PPP2R3B: variants seen among roughly 807,000 people sequenced by gnomAD.
PPP2R3B encodes the protein protein phosphatase 2 regulatory subunit B''beta.
Under a neutral mutation model 72.9 loss-of-function variants are expected in PPP2R3B, and 68 were observed. That is an observed-to-expected ratio of 0.93 (90% CI 0.77 to 1.14). The LOEUF is 1.14. Among genes scored for constraint, PPP2R3B ranks in the 50% most tolerant of loss-of-function variants. PPP2R3B has a pLI of 0.00. For missense variants in PPP2R3B, 1,018 were observed against 842.0 expected (o/e 1.21, Z -2.59); for synonymous variants, 466 against 375.8 (o/e 1.24, Z -2.78).
intron 2 of PPP2R3B, among the ~76,000 whole-genome samples, chrX:358,273 G>T (rs2071475350): frequency 6.6e-6 from 1 of 151,928 alleles, no homozygotes; most frequent in South Asian, 2.1e-4. Context: ...CGGGGAAGCT[G>T]AAGTTTGCCT....
intron 1 of PPP2R3B, among the ~76,000 whole-genome samples, chrX:383,789 G>A (rs2072177623): frequency 8.0e-6 from 1 of 124,646 alleles, no homozygotes; most frequent in East Asian, 2.7e-4. Context: ...AGTGAGCCGA[G>A]ATCGCGCCAC....
rs746073528 is a variant in PPP2R3B at position 334,336 on chromosome X, C to T, written c.*31G>A. Reference sequence around the variant, plus strand: ...TGGCCCGGTGGTGGCACGTGGGGAGCGGCCCCGCGGCGGCGTTCTCGCGGG... The same window carrying T: ...TGGCCCGGTGGTGGCACGTGGGGAGTGGCCCCGCGGCGGCGTTCTCGCGGG... On this transcript the variant is annotated 3_prime_UTR_variant, in exon 13 of 13. Coordinates refer to ENST00000390665, the MANE Select transcript of PPP2R3B (RefSeq NM_013239.5). 226 of 1,451,222 alleles carry T rather than the reference C, an allele frequency of 1.6e-4. No individual in the cohort carries two copies. The East Asian group carries it at 3.7e-3, about 24-fold the overall frequency. The allele number at this position is 1,451,222 out of a possible 1,614,324, so 89.9% of individuals were successfully genotyped here. A position where few individuals can be genotyped will look rare whatever the true frequency, so the allele number is the denominator to read the frequency against.
chrX:341,204 G>C, intron 9 of PPP2R3B, 103 bp downstream of exon 9: 1 of 1,178,586 alleles, frequency 8.5e-7, no homozygotes, highest in Non-Finnish European at 1.2e-6. Flanking sequence ...CCTGTGCCGT[G>C]CAGCCCCCAC....
chrX:355,229 T>C (rs1308576148), intron 2 of PPP2R3B, among the ~76,000 whole-genome samples: 1 of 152,014 alleles, frequency 6.6e-6, no homozygotes, highest in African/African-American at 2.4e-5. Context: ...CAATTGACAA[T>C]CATATTAAAG....
intron 2 of PPP2R3B, among the ~76,000 whole-genome samples, chrX:360,415 T>C (rs1243223491): frequency 6.6e-6 from 1 of 152,170 alleles, no homozygotes; most frequent in Non-Finnish European, 1.5e-5. Flanking sequence ...ATGCCTATAG[T>C]CCCAGCTACT....
chrX:339,275 G>T (rs922459868), intron 10 of PPP2R3B, among the ~76,000 whole-genome samples: 1 of 150,100 alleles, frequency 6.7e-6, no homozygotes, highest in Non-Finnish European at 1.5e-5. Flanking sequence ...CCATGGCCGG[G>T]GGGGGCAGGG....
chrX:351,415 G>C (rs2071330540), intron 2 of PPP2R3B, among the ~76,000 whole-genome samples: 1 of 152,216 alleles, frequency 6.6e-6, no homozygotes, highest in South Asian at 2.1e-4. Flanking sequence ...CCGCGTGCAA[G>C]ACACACCGTC....
chrX:354,354 T>A (rs750113045), intron 2 of PPP2R3B, among the ~76,000 whole-genome samples: 1 of 141,982 alleles, frequency 7.0e-6, no homozygotes, highest in Non-Finnish European at 1.5e-5. Context: ...ACGCTACCCC[T>A]GCGTGGCCGG....
intron 2 of PPP2R3B, among the ~76,000 whole-genome samples, chrX:358,379 C>T (rs1191996857): frequency 1.7e-5 from 2 of 120,760 alleles, no homozygotes; most frequent in Non-Finnish European, 3.7e-5. Flanking sequence ...CCTCTGCCCA[C>T]AGTCACGGTG....
At chrX:361,295 G>T (rs868614422) in intron 2 of PPP2R3B, 110 bp downstream of exon 2, 1 of 1,230,826 alleles carries the variant, frequency 8.1e-7, no homozygotes. Context: ...CCTCGGCCGT[G>T]CCGCCTCACT....
At chrX:352,797 T>TCC (rs1310443784) in intron 2 of PPP2R3B, among the ~76,000 whole-genome samples, 1 of 151,446 alleles carries the variant, frequency 6.6e-6, no homozygotes, top group African/African-American at 2.4e-5. Flanking sequence ...CAGCACGCGT[T>TCC]CCTCGGCGGG....
chrX:334,319 T>C lies in PPP2R3B; in HGVS notation c.*48A>G. 7.0e-7 allele frequency: 1 copy of C among 1,434,916 alleles called. No homozygotes were observed. The highest frequency in any genetic ancestry group is 9.1e-7 in the Non-Finnish European group (1 of 1,099,142). The allele number at this position is 1,434,916 out of a possible 1,614,324, so 88.9% of individuals were successfully genotyped here. ...TTTTACACGAGCCGCGGTGGCCCGGTGGTGGCACGTGGGGAGCGGCCCCGC... is the reference window on the plus strand; with the variant it reads ...TTTTACACGAGCCGCGGTGGCCCGGCGGTGGCACGTGGGGAGCGGCCCCGC... On this transcript the variant is annotated 3_prime_UTR_variant, in exon 13 of 13. Coordinates refer to ENST00000390665, the MANE Select transcript of PPP2R3B (RefSeq NM_013239.5).
At chrX:351,774 T>C (rs1362437485) in intron 2 of PPP2R3B, among the ~76,000 whole-genome samples, 1 of 152,216 alleles carries the variant, frequency 6.6e-6, no homozygotes, top group African/African-American at 2.4e-5. Context: ...CACAGCTCAG[T>C]GCAGTCTCAA....
At chrX:359,105 G>GC (rs2071493817) in intron 2 of PPP2R3B, among the ~76,000 whole-genome samples, 2 of 152,240 alleles carry the variant, frequency 1.3e-5, no homozygotes, top group African/African-American at 4.8e-5. Flanking sequence ...CGCGTGAGCT[G>GC]CAAAAGAGGT....
intron 1 of PPP2R3B, 55 bp downstream of exon 1, chrX:386,313 C>A: frequency 7.9e-7 from 1 of 1,271,988 alleles, no homozygotes; most frequent in Non-Finnish European, 1.0e-6. Flanking sequence ...GCCACACGCC[C>A]ACTATGCGAC....
chrX:341,783 C>G (rs1020520236), intron 8 of PPP2R3B, 100 bp downstream of exon 8: 1 of 1,302,354 alleles, frequency 7.7e-7, no homozygotes, highest in Non-Finnish European at 1.1e-6. Flanking sequence ...CAACCACTCG[C>G]TGTCGGGGCA....
intron 2 of PPP2R3B, among the ~76,000 whole-genome samples, chrX:358,666 A>C (rs914723582): frequency 2.3e-4 from 33 of 141,950 alleles, no homozygotes; most frequent in Admixed American, 7.4e-4. Flanking sequence ...ACTACCTTAG[A>C]CGGCCACCAA....
intron 2 of PPP2R3B, chrX:359,904 G>C (rs1484134521): frequency 4.1e-6 from 2 of 487,934 alleles, no homozygotes; most frequent in South Asian, 3.0e-5. Context: ...TGTCTAGTTT[G>C]TTAGTGCTCA....
rs752163006 is a variant in PPP2R3B at position 345,550 on chromosome X, G to A, written c.1002C>T (p.Ile334=). The change falls in exon 7 of 13, where the codon ATC becomes ATT. Residue 334 remains isoleucine, a synonymous_variant. Transcript: ENST00000390665. ...TGTGCCGCGCCAGGTCGTCCGCGTC[G>A]ATGAGCAGGTCGTGGTCCGTGTCCA... ...WELDTDHDLL[I]DADDLARHND... 2 of 1,613,104 alleles carry A rather than the reference G, an allele frequency of 1.2e-6. No homozygotes were observed. The highest frequency in any genetic ancestry group is 1.1e-5 in the South Asian group (1 of 91,070).
Sources: gnomAD v4.1 joint callset for allele counts (sites outside exome capture counted in the v4.1 genomes callset) on GRCh38, gnomAD v4.1.1 for gene constraint, MANE v1.5 for transcripts, NCBI Gene and HGNC (gene_info 2026-07-23, HGNC 2026-07-21) for gene names.